Variants in DPEP1 observed in about 807,000 individuals in gnomAD.
DPEP1 encodes the protein beta-lactamase.
Under a neutral mutation model 42.3 loss-of-function variants are expected in DPEP1, and 50 were observed. The ratio of observed to expected loss-of-function variants is 1.18; its 90% confidence interval spans 0.94 to 1.50. DPEP1 has a LOEUF of 1.50. DPEP1 is among the 40% of genes most tolerant of loss of function. The pLI is 0.00. For synonymous variants in DPEP1, 297 were observed against 234.0 expected, an observed-to-expected ratio of 1.27 and a Z score of -2.46; for missense variants, 663 against 553.0, an observed-to-expected ratio of 1.20 and a Z score of -1.99.
chr16:89,624,056 A>G (rs534675907), intron 1 of DPEP1, among the ~76,000 whole-genome samples: 2 of 152,240 alleles, frequency 1.3e-5, no homozygotes, highest in South Asian at 2.1e-4. Flanking sequence ...TTCCCGCCCA[A>G]AGTGCACATC....
chr16:89,622,503 G>A (rs990668682), intron 1 of DPEP1, among the ~76,000 whole-genome samples: 5 of 152,118 alleles, frequency 3.3e-5, no homozygotes, highest in Admixed American at 6.6e-5. Flanking sequence ...TAACGCACTC[G>A]GGCCGGGCGC....
intron 2 of DPEP1, among the ~76,000 whole-genome samples, chr16:89,633,349 C>T (rs1013229713): frequency 1.3e-5 from 2 of 152,220 alleles, no homozygotes; most frequent in Non-Finnish European, 2.9e-5. Flanking sequence ...CAGCATCAGG[C>T]GTGCGCCCGC....
downstream of DPEP1, among the ~76,000 whole-genome samples, chr16:89,638,731 ACCG>A (rs2059716435): frequency 1.6e-5 from 1 of 63,296 alleles, no homozygotes; most frequent in African/African-American, 6.8e-5. Flanking sequence ...ACACACACAC[ACCG>A]CACCCCTGCA....
intron 2 of DPEP1, among the ~76,000 whole-genome samples, chr16:89,633,082 C>A (rs879891933): frequency 6.6e-6 from 1 of 152,150 alleles, no homozygotes; most frequent in African/African-American, 2.4e-5. Context: ...CGTCCTCAGG[C>A]CAAGGAGTAA....
At chr16:89,638,826 C>G (rs1340054463), downstream of DPEP1, among the ~76,000 whole-genome samples, 1 of 82,866 alleles carries the variant, frequency 1.2e-5, no homozygotes, top group African/African-American at 4.9e-5. Context: ...CACCCCACCC[C>G]TGCACACACA....
At chr16:89,621,969 G>A (rs1292862533) in intron 1 of DPEP1, among the ~76,000 whole-genome samples, 1 of 152,172 alleles carries the variant, frequency 6.6e-6, no homozygotes, top group African/African-American at 2.4e-5. Context: ...CTGTGGATGG[G>A]GCTTCTGTGT....
chr16:89,624,216 G>T (rs2059479640), intron 1 of DPEP1, among the ~76,000 whole-genome samples: 1 of 152,116 alleles, frequency 6.6e-6, no homozygotes, highest in African/African-American at 2.4e-5. Context: ...AAATCCCCGA[G>T]GCTGGGTCAT....
At chr16:89,635,845 C>T (rs568632272) in intron 2 of DPEP1, 63 bp from the exon 3 acceptor site, 244 of 1,520,732 alleles carry the variant, frequency 1.6e-4, no homozygotes, top group Admixed American at 6.0e-4. Flanking sequence ...AGGCCAGGAG[C>T]TCGGAAGCCC....
At position 89,638,210 on chromosome 16, in the gene DPEP1, G is replaced by C; in HGVS notation, c.1224G>C (p.Leu408=). ...CCCTCGCTCCCCTGGTCCTCTGTCT[G>C]TCTCTCCTGTGAAACCTGGGAGACC... The part of the protein sequence containing the change: ...LASLAPLVLC[L]SLL Residue 408 remains leucine, a synonymous_variant, in exon 11 of 11, where the codon CTG becomes CTC. Transcript: ENST00000690203. The C allele has an allele frequency of 6.4e-7, 1 of 1,565,932 alleles. No individual in the cohort carries two copies. The highest frequency in any genetic ancestry group is 8.7e-7 in the Non-Finnish European group (1 of 1,155,212).
intron 1 of DPEP1, among the ~76,000 whole-genome samples, chr16:89,617,345 C>T (rs2059388440): frequency 6.6e-6 from 1 of 152,274 alleles, no homozygotes; most frequent in South Asian, 2.1e-4. Context: ...GGGAAAAGCG[C>T]TCCTGCCTCA....
At chr16:89,629,746 G>A (rs183715311) in intron 1 of DPEP1, among the ~76,000 whole-genome samples, 1 of 152,294 alleles carries the variant, frequency 6.6e-6, no homozygotes, top group Non-Finnish European at 1.5e-5. Context: ...TAGCTGCTTG[G>A]CCTGAAGCTC....
intron 1 of DPEP1, among the ~76,000 whole-genome samples, chr16:89,624,753 T>C (rs1459776425): frequency 6.6e-6 from 1 of 152,146 alleles, no homozygotes; most frequent in African/African-American, 2.4e-5. Context: ...CAGGCTGGTC[T>C]TGAACTCCCG....
Position 89,636,651 on chromosome 16 carries a change from C to G in DPEP1, c.489C>G (p.Tyr163Ter). Residue 163 changes from tyrosine to a stop codon, truncating the protein, a stop_gained, in exon 5 of 11, where the codon TAC (tyrosine) becomes TAG (stop). Transcript: ENST00000690203. LOFTEE classifies it high-confidence loss of function. ...LRALYQLGMR[Y>*]LTLTHSCNTP... ...CACTCTATCAGCTGGGCATGCGGTA[C>G]CTGACCCTCACCCACAGCTGCAACA... The G allele has an allele frequency of 6.2e-7, 1 of 1,612,580 alleles. No homozygotes were observed. Among genetic ancestry groups the G allele is most frequent in the East Asian group, 2.2e-5 (1 of 44,874 alleles).
At chr16:89,631,211 G>T in intron 2 of DPEP1, among the ~76,000 whole-genome samples, 1 of 152,268 alleles carries the variant, frequency 6.6e-6, no homozygotes, top group East Asian at 1.9e-4. Context: ...GCCCTTGCCT[G>T]TGCTGCGCTG....
At chr16:89,626,746 G>A (rs537983856) in intron 1 of DPEP1, among the ~76,000 whole-genome samples, 122 of 151,922 alleles carry the variant, frequency 8.0e-4, no homozygotes, top group African/African-American at 2.8e-3. Flanking sequence ...CTTTGCCTTC[G>A]GCCATGATTG....
At chr16:89,637,049 G>C (rs2059690406) in intron 6 of DPEP1, 114 bp downstream of exon 6, 8 of 1,531,494 alleles carry the variant, frequency 5.2e-6, no homozygotes, top group African/African-American at 1.4e-5. Flanking sequence ...CTGTAAAATG[G>C]AGCTGGCAGC....
chr16:89,637,726 T>C lies in DPEP1; in HGVS notation c.929+19T>C. On this transcript the variant is annotated intron_variant, in intron 9 of 10. Transcript: ENST00000690203. ...TTCCAAGGTAAGGGGCTGAGAGCTCTGTCCTGTGGATGAGCCGGGAGGTTC... is the reference window on the plus strand; with the variant it reads ...TTCCAAGGTAAGGGGCTGAGAGCTCCGTCCTGTGGATGAGCCGGGAGGTTC... 1.2e-6 allele frequency: 2 copies of C among 1,613,028 alleles called. No individual in the cohort carries two copies. The highest frequency in any genetic ancestry group is 1.7e-6 in the Non-Finnish European group (2 of 1,179,954).
chr16:89,630,937 C>A (rs897385724), intron 2 of DPEP1, among the ~76,000 whole-genome samples: 1 of 151,914 alleles, frequency 6.6e-6, no homozygotes, highest in African/African-American at 2.4e-5. Flanking sequence ...TCTCTCAGGG[C>A]CCCCAAAGAC....
chr16:89,628,301 A>C (rs2059543768), intron 1 of DPEP1, among the ~76,000 whole-genome samples: 1 of 135,940 alleles, frequency 7.4e-6, no homozygotes. Flanking sequence ...CTTGTCGCCC[A>C]GGCTGGAGTG....
Sources: allele counts gnomAD v4.1 joint callset (sites outside exome capture counted in the v4.1 genomes callset), GRCh38; gene constraint gnomAD v4.1.1; transcripts MANE v1.5; gene names NCBI Gene and HGNC (gene_info 2026-07-23, HGNC 2026-07-21).